Variants in ATE1 observed in about 807,000 individuals in gnomAD.
The protein encoded by ATE1 is arginyltransferase 1.
ATE1 carries 36 observed loss-of-function variants against 70.5 expected under a neutral mutation model. That is an observed-to-expected ratio of 0.51 (90% confidence interval 0.39 to 0.67). The LOEUF (loss-of-function observed/expected upper bound fraction) is 0.67. Ranked by LOEUF, ATE1 falls within the 30% of genes least tolerant of loss-of-function variation. The pLI, the probability that ATE1 is intolerant of heterozygous loss-of-function variation, is 0.00. For synonymous variants in ATE1, 232 were observed against 219.3 expected, an observed-to-expected ratio of 1.06 and a Z score of -0.51; for missense variants, 593 against 629.5, an observed-to-expected ratio of 0.94 and a Z score of 0.62.
intron 8 of ATE1, among the ~76,000 whole-genome samples, chr10:121,867,338 G>A (rs1419190064): frequency 6.6e-6 from 1 of 152,172 alleles, no homozygotes; most frequent in Admixed American, 6.5e-5. Flanking sequence ...TAAAGTGGAC[G>A]TCAAGCTCAA....
At chr10:121,922,260 A>C in intron 3 of ATE1, 89 bp downstream of exon 3, 5 of 899,004 alleles carry the variant, frequency 5.6e-6, no homozygotes. Flanking sequence ...TAGAGCGGAA[A>C]TAAACATTAA....
intron 7 of ATE1, among the ~76,000 whole-genome samples, chr10:121,884,314 A>C (rs1950314985): frequency 6.6e-6 from 1 of 151,948 alleles, no homozygotes; most frequent in African/African-American, 2.4e-5. Flanking sequence ...ACCGAAAGGA[A>C]CTTTGAGTTA....
intron 3 of ATE1, among the ~76,000 whole-genome samples, chr10:121,920,088 C>T (rs1360513086): frequency 6.6e-6 from 1 of 152,082 alleles, no homozygotes; most frequent in Non-Finnish European, 1.5e-5. Flanking sequence ...TTTTTCATTT[C>T]TTAAAGTAAA....
intron 11 of ATE1, among the ~76,000 whole-genome samples, chr10:121,786,253 T>C (rs1946207185): frequency 7.6e-6 from 1 of 131,612 alleles, no homozygotes; most frequent in Non-Finnish European, 1.6e-5. Flanking sequence ...AACCAAGGAT[T>C]TTAATACCAA....
In ATE1 at chr10:121,867,861, A is replaced by G. The variant is rs565808354; in HGVS notation, c.975+2145T>C. Among the ~76,000 whole-genome samples the G allele has an allele frequency of 3.3e-5, 5 of 152,312 alleles. No homozygotes were observed. In the South Asian group the frequency reaches 1.0e-3, roughly 32 times the overall value. ...TAATGGTTGTAGGGTGTTCTATCAT[A>G]TGGCTGTGTCATAATTTATTTGACG... On this transcript the variant is annotated intron_variant, in intron 8 of 11. Transcript: ENST00000224652.
intron 5 of ATE1, among the ~76,000 whole-genome samples, chr10:121,902,856 T>A (rs1951036191): frequency 6.6e-6 from 1 of 152,126 alleles, no homozygotes; most frequent in South Asian, 2.1e-4. Context: ...TGGCTCTTAC[T>A]GCTGAAAATC....
At chr10:121,829,927 A>C (rs902689714) in intron 10 of ATE1, among the ~76,000 whole-genome samples, 1 of 152,078 alleles carries the variant, frequency 6.6e-6, no homozygotes, top group Non-Finnish European at 1.5e-5. Flanking sequence ...ATTTACCCCC[A>C]CTCAATCTCA....
intron 8 of ATE1, among the ~76,000 whole-genome samples, chr10:121,866,167 T>C (rs1949656487): frequency 6.6e-6 from 1 of 152,208 alleles, no homozygotes; most frequent in East Asian, 1.9e-4. Flanking sequence ...AGGAGCTATG[T>C]GGTGGCAAAG....
chr10:121,761,977 C>T (rs1019045627), intron 11 of ATE1, among the ~76,000 whole-genome samples: 2 of 152,094 alleles, frequency 1.3e-5, no homozygotes, highest in African/African-American at 4.8e-5. Flanking sequence ...ACTTAATGGC[C>T]ATTCCCTCAT....
At chr10:121,789,901 C>T (rs538010525) in intron 11 of ATE1, among the ~76,000 whole-genome samples, 2 of 151,772 alleles carry the variant, frequency 1.3e-5, no homozygotes, top group African/African-American at 4.8e-5. Context: ...TGATATCAGC[C>T]CCTCAAAGCA....
At chr10:121,823,475 T>C (rs1947883026) in intron 10 of ATE1, among the ~76,000 whole-genome samples, 1 of 152,164 alleles carries the variant, frequency 6.6e-6, no homozygotes, top group South Asian at 2.1e-4. Flanking sequence ...TTCGTACTTC[T>C]ACACGCAGGG....
In ATE1 at chr10:121,911,162, G is replaced by A. The variant is rs1202223510; in HGVS notation, c.338-11C>T. The A allele has an allele frequency of 3.8e-6, 6 of 1,598,940 alleles. No individual in the cohort carries two copies. The highest frequency in any genetic ancestry group is 3.7e-5 in the Admixed American group (2 of 54,742). Reference sequence around the variant, plus strand: ...AATCCATGGGCTCATCTACAAATCAGAAGAAATTAAAAATCCATCAGCTGG... The same window carrying A: ...AATCCATGGGCTCATCTACAAATCAAAAGAAATTAAAAATCCATCAGCTGG... On this transcript the variant is annotated splice_polypyrimidine_tract_variant and intron_variant, in intron 4 of 11. Transcript: ENST00000224652.
At chr10:121,797,549 A>T (rs1196865613) in intron 10 of ATE1, among the ~76,000 whole-genome samples, 1 of 150,936 alleles carries the variant, frequency 6.6e-6, no homozygotes, top group Non-Finnish European at 1.5e-5. Context: ...TTAAAAATAG[A>T]ATATTTCCTC....
chr10:121,855,086 A>G (rs1458635554), intron 8 of ATE1, among the ~76,000 whole-genome samples: 4 of 152,220 alleles, frequency 2.6e-5, no homozygotes, highest in Admixed American at 2.6e-4. Context: ...AAACAGCTAC[A>G]GAGATGAGGG....
intron 8 of ATE1, 55 bp downstream of exon 8, chr10:121,869,951 C>A: frequency 6.7e-7 from 1 of 1,484,498 alleles, no homozygotes; most frequent in South Asian, 1.2e-5. Context: ...TGAAAGATAT[C>A]AACAATGGTG....
chr10:121,922,487 T>A, intron 2 of ATE1, 76 bp from the exon 3 acceptor site: 2 of 841,646 alleles, frequency 2.4e-6, no homozygotes, highest in Non-Finnish European at 3.9e-6. Context: ...ACAGGAGCAT[T>A]AAATTAAGGT....
chr10:121,831,994 T>C (rs1948257236), intron 10 of ATE1, among the ~76,000 whole-genome samples: 1 of 152,168 alleles, frequency 6.6e-6, no homozygotes, highest in South Asian at 2.1e-4. Flanking sequence ...TAAACAGAAA[T>C]TACAGTCTTA....
intron 7 of ATE1, among the ~76,000 whole-genome samples, chr10:121,882,137 A>G (rs1950247150): frequency 6.6e-6 from 1 of 152,202 alleles, no homozygotes; most frequent in African/African-American, 2.4e-5. Context: ...TAAAATATTA[A>G]AAATTCTCAA....
intron 8 of ATE1, among the ~76,000 whole-genome samples, chr10:121,851,441 T>C (rs1449807300): frequency 6.6e-6 from 1 of 152,118 alleles, no homozygotes; most frequent in East Asian, 1.9e-4. Flanking sequence ...ACATAAAAAA[T>C]AAAAGTTTCA....
Sources: gnomAD v4.1 joint callset for allele counts (sites outside exome capture counted in the v4.1 genomes callset) on GRCh38, gnomAD v4.1.1 for gene constraint, MANE v1.5 for transcripts, NCBI Gene and HGNC (gene_info 2026-07-23, HGNC 2026-07-21) for gene names.